LAMB2: variants seen among roughly 807,000 people sequenced by gnomAD.
LAMB2 encodes laminin subunit beta 2.
LAMB2 carries 119 observed loss-of-function variants against 202.7 expected under a neutral mutation model. That is an observed-to-expected ratio of 0.59 (90% CI 0.51 to 0.68). The LOEUF (loss-of-function observed/expected upper bound fraction) is 0.68, where lower values mean the gene tolerates loss of function less well. LAMB2 is among the 30% of genes least tolerant of loss of function. The pLI, the probability that LAMB2 is intolerant of heterozygous loss-of-function variation, is 0.00. For missense variants in LAMB2, 2,124 were observed against 2,410.6 expected (o/e 0.88, Z 2.49); for synonymous variants, 818 against 902.2 (o/e 0.91, Z 1.67).
Position 49,132,100 on chromosome 3 carries a change from C to G in LAMB2, c.459+16G>C. ...CAAGCAGGGTGATTCGGGCAGGCTC[C>G]CAGATATGCAGGCACCTTGAAGGTC... On this transcript the variant is annotated intron_variant, in intron 4 of 31. Transcript: ENST00000305544. The surrounding 1 kb of genome is among the most constrained non-coding windows in gnomAD (Gnocchi z 4.6). 6.2e-7 allele frequency: 1 copy of G among 1,612,902 alleles called. No homozygotes were observed. Among genetic ancestry groups the G allele is most frequent in the Non-Finnish European group, 8.5e-7 (1 of 1,178,958 alleles).
chr3:49,124,919 C>A lies in LAMB2; in HGVS notation c.2891G>T (p.Arg964Leu), dbSNP rs774551290. The A allele has an allele frequency of 6.2e-7, 1 of 1,614,038 alleles. No homozygotes were observed. Among genetic ancestry groups the A allele is most frequent in the Non-Finnish European group, 8.5e-7 (1 of 1,180,036 alleles). ...CHCRAGYTGL[R>L]CEACAPGHFG... The stretch of plus-strand genomic sequence containing the variant: ...GTGCCCAGGGGCACAAGCTTCACAT[C>A]GCAGCCCTGCCCACGGTTAAGAGGA... Residue 964 changes from arginine to leucine, a missense_variant, in exon 21 of 32, where the codon CGA (arginine) becomes CTA (leucine). This residue lies in a region of LAMB2 where 1,702 missense variants were observed against 1,896.3 expected (regional missense o/e 0.90). Transcript: ENST00000305544.
At position 49,125,270 on chromosome 3, in the gene LAMB2, C is replaced by T; in HGVS notation, c.2703G>A (p.Gly901=). The part of the protein sequence containing the change: ...GACLGCRDHT[G]GEHCERCIAG... ...AGTCTCACCTTTCACAGTGCTCACC[C>T]CCTGTGTGATCACGGCAGCCCAGGC... is the stretch of plus-strand genomic sequence containing the variant. Residue 901 remains glycine, a synonymous_variant, in exon 19 of 32, where the codon GGG becomes GGA. Transcript: ENST00000305544. 2 of 1,614,002 alleles carry T rather than the reference C, an allele frequency of 1.2e-6. No individual in the cohort carries two copies. Among genetic ancestry groups the T allele is most frequent in the Non-Finnish European group, 8.5e-7 (1 of 1,180,048 alleles).
In LAMB2 at chr3:49,124,064, T is replaced by C. The variant is rs1182546449; in HGVS notation, c.3461A>G (p.Gln1154Arg). ...DCDSRGIDTP[Q>R]CHRFTGHCSC... Reference sequence around the variant, plus strand: ...GCAGTGACCTGTGAAGCGGTGACACTGAGGTGTATCTATTCCACGAGAGTC... The same window carrying C: ...GCAGTGACCTGTGAAGCGGTGACACCGAGGTGTATCTATTCCACGAGAGTC... Residue 1154 changes from glutamine to arginine, a missense_variant, in exon 24 of 32, where the codon CAG (glutamine) becomes CGG (arginine). By Grantham distance (43) the Gln-to-Arg change is conservative. Coordinates refer to ENST00000305544, the MANE Select transcript of LAMB2 (RefSeq NM_002292.4). The C allele has an allele frequency of 6.2e-7, 1 of 1,613,938 alleles. No individual in the cohort carries two copies. Among genetic ancestry groups the C allele is most frequent in the Non-Finnish European group, 8.5e-7 (1 of 1,180,018 alleles).
chr3:49,122,771 C>T lies in LAMB2; in HGVS notation c.4506G>A (p.Arg1502=). 1.2e-6 allele frequency: 2 copies of T among 1,614,118 alleles called. No individual in the cohort carries two copies. Among genetic ancestry groups the T allele is most frequent in the South Asian group, 2.2e-5 (2 of 91,082 alleles). Residue 1502 remains arginine (R), a synonymous_variant, in exon 27 of 32, where the codon AGG becomes AGA. Transcript: ENST00000305544. ...QAALDKANAS[R]GQVEQANQEL... is the part of the protein sequence containing the mutation. ...CCTGGTTGGCCTGTTCCACCTGTCC[C>T]CTGGAAGCATTAGCCTTGTCCAGGG... is the stretch of plus-strand genomic sequence containing the variant.
Position 49,123,003 on chromosome 3 carries a change from C to G in LAMB2, c.4274G>C (p.Gly1425Ala), listed in dbSNP as rs141317511. ...DAPCATSPCG[G>A]AGCRDEDGQP... The stretch of plus-strand genomic sequence containing the variant: ...CCCATCCTCATCTCGACAGCCGGCA[C>G]CCCCACAAGGGCTTGTAGCACAGGG... The change falls in exon 27 of 32, where the codon GGT becomes GCT. Residue 1425 changes from glycine (G) to alanine (A), a missense_variant. By Grantham distance (60) the Gly-to-Ala change is moderately conservative (BLOSUM62 0). This residue lies in a region of LAMB2 where 1,702 missense variants were observed against 1,896.3 expected (regional missense o/e 0.90). Coordinates refer to ENST00000305544, the MANE Select transcript of LAMB2 (RefSeq NM_002292.4). The G allele has an allele frequency of 1.4e-4, 218 of 1,608,608 alleles. No homozygotes were observed. Among genetic ancestry groups the G allele is most frequent in the Non-Finnish European group, 1.7e-4 (206 of 1,179,978 alleles).
rs2045207866 is a variant in LAMB2 at position 49,121,155 on chromosome 3, G to A, written c.*71C>T. On this transcript the variant is annotated 3_prime_UTR_variant, in exon 32 of 32. Coordinates refer to ENST00000305544, the MANE Select transcript of LAMB2 (RefSeq NM_002292.4). ...TTTATTGGGGGCCCTGCCGGGCCAA[G>A]AGCTCTTCAGTGCATAGGCAGACAT... 6.3e-7 allele frequency: 1 copy of A among 1,582,176 alleles called. No individual in the cohort carries two copies. Among genetic ancestry groups the A allele is most frequent in the African/African-American group, 1.3e-5 (1 of 74,350 alleles).
Position 49,130,100 on chromosome 3 carries a change from C to T in LAMB2, c.1226-82G>A. ...GTCCTCTCCTAAGCCTAAGGGATCC[C>T]ACCCTGGATCCCTGGTCAAGTTCTA... On this transcript the variant is annotated intron_variant, in intron 9 of 31. Coordinates refer to ENST00000305544, the MANE Select transcript of LAMB2 (RefSeq NM_002292.4). The surrounding 1 kb of genome is among the most constrained non-coding windows in gnomAD (Gnocchi z 5.0). The T allele has an allele frequency of 6.4e-7, 1 of 1,559,960 alleles. No individual in the cohort carries two copies.
At chr3:49,125,583 G>A in intron 18 of LAMB2, 99 bp from the exon 19 acceptor site, 1 of 1,388,590 alleles carries the variant, frequency 7.2e-7, no homozygotes, top group South Asian at 1.3e-5. Flanking sequence ...TGGGAGTCTA[G>A]GTGGGAAGGT....
intron 27 of LAMB2, 100 bp from the exon 28 acceptor site, chr3:49,122,470 G>T: frequency 8.6e-7 from 1 of 1,169,156 alleles, no homozygotes; most frequent in Non-Finnish European, 1.3e-6. Context: ...ATGGGATAGG[G>T]GTTTGTTACC....
rs758271702 is a variant in LAMB2 at position 49,123,032 on chromosome 3, A to G, written c.4245T>C (p.Asp1415=). 2 of 1,607,726 alleles carry G rather than the reference A, an allele frequency of 1.2e-6. No individual in the cohort carries two copies. Among genetic ancestry groups the G allele is most frequent in the South Asian group, 1.1e-5 (1 of 91,082 alleles). The change falls in exon 27 of 32, where the codon GAT becomes GAC. Residue 1415 remains aspartate (D), a synonymous_variant. Transcript: ENST00000305544. ...CACAAGGGCTTGTAGCACAGGGTGCATCCCCTGGTGCCCCACACACCTGCC... is the reference window on the plus strand; with the variant it reads ...CACAAGGGCTTGTAGCACAGGGTGCGTCCCCTGGTGCCCCACACACCTGCC... The part of the protein sequence containing the change: ...INELVCGAPG[D]APCATSPCGG...
Position 49,132,719 on chromosome 3 carries a change from A to G in LAMB2, c.77-56T>C. 3 of 1,613,726 alleles carry G rather than the reference A, an allele frequency of 1.9e-6. No homozygotes were observed. Among genetic ancestry groups the G allele is most frequent in the East Asian group, 4.5e-5 (2 of 44,876 alleles). ...AGTTCCTATCCAGTGGCTCCACCTC[A>G]TGTGCCCCAAGGGCAACTACCAGGA... On this transcript the variant is annotated intron_variant, in intron 1 of 31. Coordinates refer to ENST00000305544, the MANE Select transcript of LAMB2 (RefSeq NM_002292.4). This position sits in a 1 kb window ranked among gnomAD's most constrained non-coding sequence, Gnocchi z 4.6.
rs1208035361 is a variant in LAMB2 at position 49,131,757 on chromosome 3, C to A, written c.460-34G>T. 6.2e-7 allele frequency: 1 copy of A among 1,609,986 alleles called. No individual in the cohort carries two copies. The highest frequency in any genetic ancestry group is 2.2e-5 in the East Asian group (1 of 44,848). On this transcript the variant is annotated intron_variant, in intron 4 of 31. Transcript: ENST00000305544. The surrounding 1 kb of genome is among the most constrained non-coding windows in gnomAD (Gnocchi z 5.0). Reference sequence around the variant, plus strand: ...GGGGGCATAGCTGATCAGCAGGCACCAGGACCCAAGCCCAACCCAGAGCCA... The same window carrying A: ...GGGGGCATAGCTGATCAGCAGGCACAAGGACCCAAGCCCAACCCAGAGCCA...
intron 19 of LAMB2, 41 bp downstream of exon 19, chr3:49,125,212 C>T: frequency 6.2e-7 from 1 of 1,613,642 alleles, no homozygotes; most frequent in Non-Finnish European, 8.5e-7. Flanking sequence ...CCTGGGAAGC[C>T]TGCCCACCAA....
In LAMB2 at chr3:49,132,473, C is replaced by T; in HGVS notation, c.249+18G>A. 5 of 1,614,126 alleles carry T rather than the reference C, an allele frequency of 3.1e-6. No homozygotes were observed. The highest frequency in any genetic ancestry group is 4.2e-6 in the Non-Finnish European group (5 of 1,180,012). On this transcript the variant is annotated intron_variant, in intron 2 of 31. Coordinates refer to ENST00000305544, the MANE Select transcript of LAMB2 (RefSeq NM_002292.4). This position sits in a 1 kb window ranked among gnomAD's most constrained non-coding sequence, Gnocchi z 4.6. Reference sequence around the variant, plus strand: ...AGCCCCACCCTGACTCGGCGTCACACCCTGTCCCCAGCCACACCTGCAGGT... The same window carrying T: ...AGCCCCACCCTGACTCGGCGTCACATCCTGTCCCCAGCCACACCTGCAGGT...
rs1455469769 is a variant in LAMB2, at chr3:49,125,762, G to A, written c.2473C>T (p.Pro825Ser). The change falls in exon 18 of 32, where the codon CCC becomes TCC. Residue 825 changes from proline to serine, a missense_variant. Coordinates refer to ENST00000305544, the MANE Select transcript of LAMB2 (RefSeq NM_002292.4). Reference protein sequence around the residue: ...LCAPGYYGFGPTGCQACQCSH... With the variant: ...LCAPGYYGFGSTGCQACQCSH... ...AGAAGAGTACCTTGACAGCCTGTGG[G>A]GCCAAAGCCATAGTAGCCAGGGGCA... The A allele has an allele frequency of 1.2e-6, 2 of 1,614,000 alleles. No homozygotes were observed. The highest frequency in any genetic ancestry group is 4.5e-5 in the East Asian group (2 of 44,876).
Position 49,132,801 on chromosome 3 carries a change from G to A in LAMB2, c.67C>T (p.Leu23=). 2 of 1,614,198 alleles carry A rather than the reference G, an allele frequency of 1.2e-6. No individual in the cohort carries two copies. Among genetic ancestry groups the A allele is most frequent in the Admixed American group, 1.7e-5 (1 of 60,036 alleles). The change falls in exon 1 of 32, where the codon CTG becomes TTG. Residue 23 remains leucine (L), a synonymous_variant. Transcript: ENST00000305544. This position sits in a 1 kb window ranked among gnomAD's most constrained non-coding sequence, Gnocchi z 4.6. ...PLPWELRLGL[L]LSVLAATLAQ... ...CACCAGGCCCTCTCACCGCTTAGCA[G>A]TAGGCCCAGTCGAAGTTCCCAGGGC...
Position 49,126,481 on chromosome 3 carries a change from T to C in LAMB2, c.2035A>G (p.Asn679Asp). The change falls in exon 16 of 32, where the codon AAT becomes GAT. Residue 679 changes from asparagine (N) to aspartate (D), a missense_variant. Transcript: ENST00000305544. ...QPHARYLIFP[N>D]PVCLEPGISY... ...ATACCAGGCTCAAGGCAGACAGGAT[T>C]AGGAAATATCAAGTACCTGGGGGCG... The C allele has an allele frequency of 6.2e-7, 1 of 1,614,064 alleles. No individual in the cohort carries two copies. The highest frequency in any genetic ancestry group is 8.5e-7 in the Non-Finnish European group (1 of 1,180,008).
chr3:49,125,471 G>A lies in LAMB2; in HGVS notation c.2502C>T (p.Ser834=). 1 of 1,600,608 alleles carries A rather than the reference G, an allele frequency of 6.2e-7. No individual in the cohort carries two copies. The highest frequency in any genetic ancestry group is 8.5e-7 in the Non-Finnish European group (1 of 1,173,784). The change falls in exon 19 of 32, where the codon AGC becomes AGT. Residue 834 remains serine, a synonymous_variant. Transcript: ENST00000305544. Reference sequence around the variant, plus strand: ...AGAGACTGCTGAGTGCCCCCTCGTGGCTGCACTGGCAGGCTAGGAGCAAGG... The same window carrying A: ...AGAGACTGCTGAGTGCCCCCTCGTGACTGCACTGGCAGGCTAGGAGCAAGG... ...GPTGCQACQC[S]HEGALSSLCE...
chr3:49,121,143 C>T lies in LAMB2; in HGVS notation c.*83G>A, dbSNP rs908533365. ...GGTTCACACTGGTTTATTGGGGGCC[C>T]TGCCGGGCCAAGAGCTCTTCAGTGC... is the stretch of plus-strand genomic sequence containing the variant. On this transcript the variant is annotated 3_prime_UTR_variant, in exon 32 of 32. Coordinates refer to ENST00000305544, the MANE Select transcript of LAMB2 (RefSeq NM_002292.4). 38 of 1,552,584 alleles carry T rather than the reference C, an allele frequency of 2.4e-5. No individual in the cohort carries two copies. The Admixed American group carries it at 6.6e-4, about 27-fold the overall frequency.
Sources: gnomAD v4.1 joint callset for allele counts on GRCh38, gnomAD v4.1.1 for gene constraint, gnomAD v4.1.1 regional missense constraint, Gnocchi (gnomAD v3.1) non-coding constraint, MANE v1.5 for transcripts, NCBI Gene and HGNC (gene_info 2026-07-23, HGNC 2026-07-21) for gene names.